RNF169: variants seen among roughly 807,000 people sequenced by gnomAD.
The protein encoded by RNF169 is E3 ubiquitin-protein ligase RNF169.
In RNF169, 24 loss-of-function variants were observed where a neutral mutation model predicts 53.9. The ratio of observed to expected loss-of-function variants is 0.45; its 90% confidence interval spans 0.32 to 0.63. The LOEUF is 0.63. Ranked by LOEUF, RNF169 falls within the 20% of genes least tolerant of loss-of-function variation. The pLI is 0.04. For missense variants in RNF169, 883 were observed against 906.2 expected, an observed-to-expected ratio of 0.97 and a Z score of 0.33; for synonymous variants, 396 against 363.5, an observed-to-expected ratio of 1.09 and a Z score of -1.02.
In RNF169 at chr11:74,818,937, T is replaced by C. The variant is rs147029448; in HGVS notation, c.842+1223T>C. On this transcript the variant is annotated intron_variant, in intron 4 of 5. Coordinates refer to ENST00000299563, the MANE Select transcript of RNF169 (RefSeq NM_001098638.2). ...ATTATTTAAAAAATAATTTCTGCTC[T>C]ACCCTTCTTACATGGATTACTTAAT... 1.1e-3 allele frequency among the ~76,000 whole-genome samples: 165 copies of C among 152,340 alleles called. 1 individual carries two copies. The highest frequency in any genetic ancestry group is 3.8e-3 in the African/African-American group (160 of 41,584).
chr11:74,788,003 A>G (rs1468319634), intron 1 of RNF169, among the ~76,000 whole-genome samples: 3 of 152,212 alleles, frequency 2.0e-5, no homozygotes, highest in East Asian at 3.9e-4. Context: ...TCAAGGTACC[A>G]TGTAAAAAAT....
intron 4 of RNF169, among the ~76,000 whole-genome samples, chr11:74,824,152 A>C (rs2135137331): frequency 6.6e-6 from 1 of 152,336 alleles, no homozygotes; most frequent in African/African-American, 2.4e-5. Context: ...AAAGAACTAA[A>C]GGAAACCATG....
At chr11:74,770,181 A>G (rs1469031159) in intron 1 of RNF169, among the ~76,000 whole-genome samples, 1 of 152,248 alleles carries the variant, frequency 6.6e-6, no homozygotes, top group Non-Finnish European at 1.5e-5. Context: ...CAAGAGCAGA[A>G]CAGATTTTAC....
intron 1 of RNF169, among the ~76,000 whole-genome samples, chr11:74,760,560 C>G (rs1297837238): frequency 6.6e-6 from 1 of 151,876 alleles, no homozygotes; most frequent in Non-Finnish European, 1.5e-5. Flanking sequence ...GCCTTCATTT[C>G]GTTATGTACC....
chr11:74,792,491 T>A (rs2035592869), intron 2 of RNF169, among the ~76,000 whole-genome samples: 1 of 152,152 alleles, frequency 6.6e-6, no homozygotes, highest in Non-Finnish European at 1.5e-5. Context: ...AACCTCTGCC[T>A]CCTAGGTTCA....
At chr11:74,754,586 A>G (rs1591383662) in intron 1 of RNF169, among the ~76,000 whole-genome samples, 1 of 152,288 alleles carries the variant, frequency 6.6e-6, no homozygotes, top group East Asian at 1.9e-4. Context: ...TTTGAGAAGC[A>G]GAGGTGGGCG....
intron 4 of RNF169, among the ~76,000 whole-genome samples, chr11:74,827,045 T>C (rs74594144): frequency 0.044 from 6,743 of 152,318 alleles, 518 homozygotes; most frequent in African/African-American, 0.15. Context: ...GGACTCAGTG[T>C]GGGCATTTCC....
At position 74,837,412 on chromosome 11, in the gene RNF169, G is replaced by C. The variant is rs1403631406; in HGVS notation, c.*682G>C. The C allele has an allele frequency of 6.6e-6, 1 of 152,218 alleles. No individual in the cohort carries two copies. Among genetic ancestry groups the C allele is most frequent in the Admixed American group, 6.5e-5 (1 of 15,278 alleles). The allele number at this position is 152,218 out of a possible 1,614,324, so 9.4% of individuals were successfully genotyped here. A position where few individuals can be genotyped will look rare whatever the true frequency, so the allele number is the denominator to read the frequency against. On this transcript the variant is annotated 3_prime_UTR_variant, in exon 6 of 6. Coordinates refer to ENST00000299563, the MANE Select transcript of RNF169 (RefSeq NM_001098638.2). ...ATGAAACTGCAGTGCAGATGTTCTG[G>C]TTCTCTCAACTACCAAGTGGCATAA...
intron 1 of RNF169, among the ~76,000 whole-genome samples, chr11:74,760,457 A>C (rs1273490447): frequency 6.6e-6 from 1 of 151,706 alleles, no homozygotes; most frequent in Non-Finnish European, 1.5e-5. Flanking sequence ...CAGTGCTATA[A>C]ATTTCCCTCT....
At chr11:74,767,777 C>T (rs1743497995) in intron 1 of RNF169, among the ~76,000 whole-genome samples, 1 of 151,816 alleles carries the variant, frequency 6.6e-6, no homozygotes, top group South Asian at 2.1e-4. Context: ...CGGGGTTTCA[C>T]CGTGTTAGCC....
chr11:74,774,408 A>T (rs1387505142), intron 1 of RNF169, among the ~76,000 whole-genome samples: 1 of 151,958 alleles, frequency 6.6e-6, no homozygotes, highest in Non-Finnish European at 1.5e-5. Context: ...GAGCCAGTTT[A>T]TCCCAGATTG....
At chr11:74,809,345 A>G (rs1055647694) in intron 2 of RNF169, among the ~76,000 whole-genome samples, 1 of 152,232 alleles carries the variant, frequency 6.6e-6, no homozygotes, top group Non-Finnish European at 1.5e-5. Flanking sequence ...CTCTGTTAAT[A>G]AATACTATTA....
intron 1 of RNF169, among the ~76,000 whole-genome samples, chr11:74,754,361 A>T (rs1430345113): frequency 1.3e-5 from 2 of 152,212 alleles, no homozygotes; most frequent in African/African-American, 4.8e-5. Context: ...GGTTATTCCA[A>T]ATCATACTGC....
rs1195357768 is a variant in RNF169, at chr11:74,836,288, C to G, written c.1685C>G (p.Thr562Ser). Residue 562 changes from threonine to serine, a missense_variant, in exon 6 of 6, where the codon ACC becomes AGC. Coordinates refer to ENST00000299563, the MANE Select transcript of RNF169 (RefSeq NM_001098638.2). ...GSTPDAKLDK[T>S]CISRAMKITT... is the part of the protein sequence containing the mutation. ...ACTCCAGATGCCAAGTTAGACAAAA[C>G]CTGTATAAGCAGAGCCATGAAAATC... 1 of 1,614,172 alleles carries G rather than the reference C, an allele frequency of 6.2e-7. No homozygotes were observed. Among genetic ancestry groups the G allele is most frequent in the African/African-American group, 1.3e-5 (1 of 75,046 alleles).
intron 1 of RNF169, among the ~76,000 whole-genome samples, chr11:74,774,641 G>A (rs891447616): frequency 1.3e-5 from 2 of 151,994 alleles, no homozygotes; most frequent in Non-Finnish European, 2.9e-5. Context: ...TAATAGAGTG[G>A]GTTAAGGTGA....
intron 4 of RNF169, among the ~76,000 whole-genome samples, chr11:74,818,567 C>T (rs996606405): frequency 4.6e-5 from 7 of 151,986 alleles, no homozygotes; most frequent in Admixed American, 3.3e-4. Context: ...ATTTTTAAAA[C>T]GTTTTTTGTA....
chr11:74,766,677 T>A (rs2035179154), intron 1 of RNF169, among the ~76,000 whole-genome samples: 1 of 152,196 alleles, frequency 6.6e-6, no homozygotes, highest in South Asian at 2.1e-4. Flanking sequence ...AGATTGCTAA[T>A]GATTGATTGC....
chr11:74,797,131 A>G (rs531696199), intron 2 of RNF169, among the ~76,000 whole-genome samples: 2 of 152,338 alleles, frequency 1.3e-5, no homozygotes, highest in African/African-American at 4.8e-5. Flanking sequence ...GATATAGTCA[A>G]TGGGTTACTG....
chr11:74,774,369 A>C (rs558786), intron 1 of RNF169, among the ~76,000 whole-genome samples: 1 of 151,234 alleles, frequency 6.6e-6, no homozygotes, highest in Non-Finnish European at 1.5e-5. Context: ...CCAAAAAAAC[A>C]AGAAACAAAC....
Sources: allele counts gnomAD v4.1 joint callset (sites outside exome capture counted in the v4.1 genomes callset), GRCh38; gene constraint gnomAD v4.1.1; transcripts MANE v1.5; gene names NCBI Gene and HGNC (gene_info 2026-07-23, HGNC 2026-07-21).